Variants in BCKDHB observed in about 807,000 individuals in gnomAD.
BCKDHB encodes branched chain keto acid dehydrogenase E1 subunit beta, also known as 2-oxoisovalerate dehydrogenase subunit beta, mitochondrial.
A neutral mutation model predicts 48.5 loss-of-function variants in BCKDHB; 41 were observed. That is an observed-to-expected ratio of 0.85 (90% CI 0.66 to 1.10). The LOEUF (loss-of-function observed/expected upper bound fraction) is 1.10. Among genes scored for constraint, BCKDHB ranks in the 50% least tolerant of loss-of-function variants. The pLI, the probability that BCKDHB is intolerant of heterozygous loss-of-function variation, is 0.00. For synonymous variants in BCKDHB, 201 were observed against 174.8 expected (o/e 1.15, Z -1.18); for missense variants, 496 against 494.2 (o/e 1.00, Z -0.03).
chr6:80,451,633 G>A, the BCKDHB span, among the ~76,000 whole-genome samples: 1 of 151,880 alleles, frequency 6.6e-6, no homozygotes, highest in African/African-American at 2.4e-5. Context: ...AGCTACTGAG[G>A]CATGAGAATC....
At chr6:80,296,148 G>GT (rs1021415734) in intron 9 of BCKDHB, among the ~76,000 whole-genome samples, 19 of 152,228 alleles carry the variant, frequency 1.2e-4, no homozygotes, top group African/African-American at 4.1e-4. Context: ...AGTCCTGAAA[G>GT]TTTTTTACCT....
intron 8 of BCKDHB, among the ~76,000 whole-genome samples, chr6:80,237,865 G>T (rs1256439701): frequency 6.6e-6 from 1 of 152,124 alleles, no homozygotes; most frequent in South Asian, 2.1e-4. Context: ...ATCCCTATCA[G>T]CTGGAGCAGA....
chr6:80,335,350 C>T (rs930682506), intron 9 of BCKDHB, among the ~76,000 whole-genome samples: 6 of 151,832 alleles, frequency 4.0e-5, no homozygotes, highest in East Asian at 1.9e-4. Flanking sequence ...TTACAGAGAG[C>T]GATTTGTTCA....
the BCKDHB span, among the ~76,000 whole-genome samples, chr6:80,351,996 T>A: frequency 6.6e-6 from 1 of 152,158 alleles, no homozygotes; most frequent in African/African-American, 2.4e-5. Flanking sequence ...TAATTTTGTA[T>A]TTTTAGTAGA....
At chr6:80,189,483 C>T (rs1165034308) in intron 6 of BCKDHB, among the ~76,000 whole-genome samples, 1 of 152,144 alleles carries the variant, frequency 6.6e-6, no homozygotes, top group African/African-American at 2.4e-5. Flanking sequence ...AATGCCCAAA[C>T]TGAACACTTG....
the BCKDHB span, among the ~76,000 whole-genome samples, chr6:80,442,408 G>C: frequency 6.6e-6 from 1 of 151,894 alleles, no homozygotes; most frequent in Non-Finnish European, 1.5e-5. Flanking sequence ...TCAGTTTTTT[G>C]TTTCTTTAAT....
chr6:80,291,150 G>GA (rs765153301), intron 9 of BCKDHB, among the ~76,000 whole-genome samples: 1 of 152,130 alleles, frequency 6.6e-6, no homozygotes, highest in Non-Finnish European at 1.5e-5. Flanking sequence ...ATTTTACCCA[G>GA]CCTTTATTCA....
the BCKDHB span, chr6:80,356,518 C>T: frequency 6.6e-6 from 1 of 151,998 alleles, no homozygotes; most frequent in South Asian, 2.1e-4. Flanking sequence ...AATCAGGATT[C>T]AAAATTATGT....
At chr6:80,161,831 T>G (rs1244850454) in intron 3 of BCKDHB, among the ~76,000 whole-genome samples, 1 of 152,242 alleles carries the variant, frequency 6.6e-6, no homozygotes, top group African/African-American at 2.4e-5. Flanking sequence ...GATTAGCATT[T>G]TGAATCTCAC....
the BCKDHB span, among the ~76,000 whole-genome samples, chr6:80,455,546 G>A: frequency 1.3e-5 from 2 of 149,706 alleles, no homozygotes; most frequent in African/African-American, 4.9e-5. Flanking sequence ...TTTATACCAT[G>A]CAGTAAAAAT....
intron 8 of BCKDHB, among the ~76,000 whole-genome samples, chr6:80,261,320 C>T (rs1159452681): frequency 6.6e-6 from 1 of 152,038 alleles, no homozygotes; most frequent in African/African-American, 2.4e-5. Context: ...TCCATGCTCT[C>T]CAGCAGTGGT....
In BCKDHB at chr6:80,107,547, A is replaced by G. The variant is rs1384707588; in HGVS notation, c.196+658A>G. On this transcript the variant is annotated intron_variant, in intron 1 of 9. Transcript: ENST00000320393. ...TATATATGCATATATATATATGCACACATATATATGCATATATATATGCAT... is the reference window on the plus strand; with the variant it reads ...TATATATGCATATATATATATGCACGCATATATATGCATATATATATGCAT... Among the ~76,000 whole-genome samples, 46 of 131,424 alleles carry G rather than the reference A, an allele frequency of 3.5e-4. 1 individual carries two copies. Among genetic ancestry groups the G allele is most frequent in the African/African-American group, 1.4e-3 (46 of 31,736 alleles). 86.2% of individuals were successfully genotyped at this position (131,424 alleles called of 152,430 possible).
At chr6:80,168,152 G>A (rs1460211196) in intron 4 of BCKDHB, among the ~76,000 whole-genome samples, 1 of 151,890 alleles carries the variant, frequency 6.6e-6, no homozygotes, top group Non-Finnish European at 1.5e-5. Flanking sequence ...CCAGTGTGGT[G>A]GCACATACCT....
the BCKDHB span, among the ~76,000 whole-genome samples, chr6:80,429,017 A>G: frequency 6.6e-6 from 1 of 152,176 alleles, no homozygotes; most frequent in East Asian, 1.9e-4. Flanking sequence ...CTTACATTTA[A>G]GTAGTTAATC....
At chr6:80,332,008 T>C (rs1769334930) in intron 9 of BCKDHB, among the ~76,000 whole-genome samples, 1 of 152,232 alleles carries the variant, frequency 6.6e-6, no homozygotes, top group African/African-American at 2.4e-5. Context: ...TAAACCCAGA[T>C]GTATTATATG....
In BCKDHB at chr6:80,129,640, A is replaced by G. The variant is rs142578726; in HGVS notation, c.343+411A>G. 1.7e-3 allele frequency among the ~76,000 whole-genome samples: 263 copies of G among 151,852 alleles called. 1 individual carries two copies. Among genetic ancestry groups the G allele is most frequent in the African/African-American group, 6.0e-3 (249 of 41,404 alleles). On this transcript the variant is annotated intron_variant, in intron 3 of 9. Coordinates refer to ENST00000320393, the MANE Select transcript of BCKDHB (RefSeq NM_183050.4). ...GAGAGAGAGAGAGAGAGGGAGAGGG[A>G]TTTAGTTTTTAAGGAACTGGCTCAT... is the stretch of plus-strand genomic sequence containing the variant.
At chr6:80,410,478 A>G in the BCKDHB span, among the ~76,000 whole-genome samples, 1 of 152,126 alleles carries the variant, frequency 6.6e-6, no homozygotes, top group African/African-American at 2.4e-5. Context: ...TATTTCCTGA[A>G]TTTGAATGTT....
At chr6:80,277,456 A>G (rs1778011311) in intron 9 of BCKDHB, among the ~76,000 whole-genome samples, 1 of 152,128 alleles carries the variant, frequency 6.6e-6, no homozygotes, top group Admixed American at 6.5e-5. Flanking sequence ...GCTGGTTTAA[A>G]TAGAGTAAAT....
chr6:80,187,014 G>C (rs1021537860), intron 6 of BCKDHB, among the ~76,000 whole-genome samples: 3 of 152,170 alleles, frequency 2.0e-5, no homozygotes, highest in African/African-American at 7.2e-5. Context: ...TAAGTAGCCT[G>C]TGAATTCTTT....
Sources: gnomAD v4.1 joint callset for allele counts (sites outside exome capture counted in the v4.1 genomes callset) on GRCh38, gnomAD v4.1.1 for gene constraint, MANE v1.5 for transcripts, NCBI Gene and HGNC (gene_info 2026-07-23, HGNC 2026-07-21) for gene names.